SAV1: variants seen among roughly 807,000 people sequenced by gnomAD.
SAV1 encodes the protein salvador family WW domain containing protein 1.
SAV1 carries 23 observed loss-of-function variants against 47.3 expected under a neutral mutation model. The ratio of observed to expected loss-of-function variants is 0.49; its 90% CI spans 0.35 to 0.69. The LOEUF (loss-of-function observed/expected upper bound fraction) is 0.69, where lower values mean the gene tolerates loss of function less well. Ranked by LOEUF, SAV1 falls within the 30% of genes least tolerant of loss-of-function variation. The pLI is 0.01. For missense variants in SAV1, 448 were observed against 457.4 expected (o/e 0.98, Z 0.19); for synonymous variants, 155 against 159.2 (o/e 0.97, Z 0.20).
intron 2 of SAV1, among the ~76,000 whole-genome samples, chr14:50,657,868 C>T (rs570901111): frequency 6.6e-6 from 1 of 152,254 alleles, no homozygotes; most frequent in Non-Finnish European, 1.5e-5. Flanking sequence ...AGTAGATGTG[C>T]CAAAAAACTT....
Position 50,665,458 on chromosome 14 carries a change from T to C in SAV1, c.256A>G (p.Met86Val), listed in dbSNP as rs1436169733. The change falls in exon 2 of 5, where the codon ATG becomes GTG. Residue 86 changes from methionine (M) to valine (V), a missense_variant. Transcript: ENST00000324679. ...GATAATCTGTTGCTTTCTCTTCTCA[T>C]TATTTCATGAGGTGTTCTTTGAATT... ...TPIQRTPHEI[M>V]RRESNRLSAP... 1 of 1,613,924 alleles carries C rather than the reference T, an allele frequency of 6.2e-7. No individual in the cohort carries two copies. Among genetic ancestry groups the C allele is most frequent in the East Asian group, 2.2e-5 (1 of 44,872 alleles).
intron 2 of SAV1, among the ~76,000 whole-genome samples, chr14:50,655,657 C>T (rs1177241111): frequency 6.6e-6 from 1 of 151,912 alleles, no homozygotes; most frequent in African/African-American, 2.4e-5. Context: ...AACTCCTGAC[C>T]TTAGGTGATC....
chr14:50,668,026 G>T lies in SAV1; in HGVS notation c.-59C>A. The T allele has an allele frequency of 1.5e-6, 2 of 1,329,902 alleles. No homozygotes were observed. The highest frequency in any genetic ancestry group is 2.0e-6 in the Non-Finnish European group (2 of 1,007,664). The allele number at this position is 1,329,902 out of a possible 1,614,324, so 82.4% of individuals were successfully genotyped here. A position where few individuals can be genotyped will look rare whatever the true frequency, so the allele number is the denominator to read the frequency against. ...GCCTCCCTAGGGCTCCGCGCCGGGCGCCGGCCGTCTCCGCCGCCACCTCCG... is the reference window on the plus strand; with the variant it reads ...GCCTCCCTAGGGCTCCGCGCCGGGCTCCGGCCGTCTCCGCCGCCACCTCCG... On this transcript the variant is annotated 5_prime_UTR_variant, in exon 1 of 5. Coordinates refer to ENST00000324679, the MANE Select transcript of SAV1 (RefSeq NM_021818.4).
chr14:50,657,024 CTTTTT>C (rs3080610), intron 2 of SAV1, among the ~76,000 whole-genome samples: 2 of 122,246 alleles, frequency 1.6e-5, no homozygotes, highest in Non-Finnish European at 3.4e-5. Flanking sequence ...AAAACACTCA[CTTTTT>C]TTTTTTTTTT....
chr14:50,639,280 AT>A (rs1255027268), intron 4 of SAV1, among the ~76,000 whole-genome samples: 7 of 152,032 alleles, frequency 4.6e-5, no homozygotes, highest in Non-Finnish European at 7.4e-5. Flanking sequence ...GGATTAAAGA[AT>A]TTCAGATTCT....
At chr14:50,648,726 C>A (rs113161138) in intron 2 of SAV1, among the ~76,000 whole-genome samples, 26,928 of 151,592 alleles carry the variant, frequency 0.18, 2,726 homozygotes, top group African/African-American at 0.27. Flanking sequence ...TGCAGTGAGC[C>A]GAGATTGCGC....
intron 2 of SAV1, chr14:50,662,885 G>C (rs1435976238): frequency 2.6e-5 from 4 of 152,146 alleles, no homozygotes; most frequent in Non-Finnish European, 4.4e-5. Flanking sequence ...AAAACCGCTG[G>C]GTTCATTCAC....
chr14:50,648,466 A>C (rs1405860888), intron 2 of SAV1, among the ~76,000 whole-genome samples: 1 of 152,206 alleles, frequency 6.6e-6, no homozygotes, highest in Non-Finnish European at 1.5e-5. Flanking sequence ...CTGGCTGCAT[A>C]ATTTTATTCT....
Position 50,634,375 on chromosome 14 carries a change from T to A in SAV1, c.*808A>T. On this transcript the variant is annotated 3_prime_UTR_variant, in exon 5 of 5. Coordinates refer to ENST00000324679, the MANE Select transcript of SAV1 (RefSeq NM_021818.4). ...TTATTTTTTATTTTTTGAGACAAGG[T>A]CTGGCTCTCTCTCTCTCAGGCTGCA... is the stretch of plus-strand genomic sequence containing the variant. 1 of 298,114 alleles carries A rather than the reference T, an allele frequency of 3.4e-6. No homozygotes were observed. The highest frequency in any genetic ancestry group is 2.9e-5 in the South Asian group (1 of 34,026). 18.5% of individuals were successfully genotyped at this position (298,114 alleles called of 1,614,324 possible). A position where few individuals can be genotyped will look rare whatever the true frequency, so the allele number is the denominator to read the frequency against.
At chr14:50,654,754 A>AT (rs1197490782) in intron 2 of SAV1, among the ~76,000 whole-genome samples, 5 of 152,212 alleles carry the variant, frequency 3.3e-5, no homozygotes, top group Non-Finnish European at 7.3e-5. Flanking sequence ...GCCAAAAACC[A>AT]ATAATAGATA....
intron 2 of SAV1, among the ~76,000 whole-genome samples, chr14:50,657,120 G>A (rs993705690): frequency 2.7e-5 from 4 of 150,480 alleles, no homozygotes; most frequent in Non-Finnish European, 4.4e-5. Flanking sequence ...TCCACACCGC[G>A]GGTTCCCTGG....
rs1777622967 is a variant in SAV1, at chr14:50,665,556, G to A, written c.158C>T (p.Pro53Leu). 1.2e-6 allele frequency: 2 copies of A among 1,613,780 alleles called. No individual in the cohort carries two copies. The highest frequency in any genetic ancestry group is 2.7e-5 in the African/African-American group (2 of 74,866). The change falls in exon 2 of 5, where the codon CCA (proline) becomes CTA (leucine). Residue 53 changes from proline (P) to leucine (L), a missense_variant. Coordinates refer to ENST00000324679, the MANE Select transcript of SAV1 (RefSeq NM_021818.4). ...TIPRRTDICL[P>L]DSSPNAFSTS... ...TGAAAAGGCATTAGGGCTTGAATCT[G>A]GAAGACAGATATCAGTTCGTCTTGG... is the stretch of plus-strand genomic sequence containing the variant.
intron 2 of SAV1, among the ~76,000 whole-genome samples, chr14:50,647,130 T>C (rs2039728830): frequency 2.6e-5 from 4 of 152,172 alleles, no homozygotes; most frequent in Admixed American, 2.6e-4. Flanking sequence ...TTTAAAACTA[T>C]AACGCTTTTA....
chr14:50,644,561 T>C (rs1170747535), intron 3 of SAV1, among the ~76,000 whole-genome samples, 183 bp downstream of exon 3: 1 of 152,074 alleles, frequency 6.6e-6, no homozygotes. Context: ...AGAAAAGTAT[T>C]TTTTTAACTT....
chr14:50,648,703 GGGAGGC>G (rs2039742913), intron 2 of SAV1, among the ~76,000 whole-genome samples: 1 of 152,024 alleles, frequency 6.6e-6, no homozygotes, highest in African/African-American at 2.4e-5. Context: ...GCGTGAACCC[GGGAGGC>G]GGAGGTTGCA....
intron 2 of SAV1, among the ~76,000 whole-genome samples, chr14:50,651,960 G>A (rs2039773258): frequency 6.6e-6 from 1 of 152,166 alleles, no homozygotes; most frequent in Non-Finnish European, 1.5e-5. Flanking sequence ...CTTCCTCATC[G>A]GGAAATATCC....
chr14:50,647,891 T>C (rs1347259878), intron 2 of SAV1, among the ~76,000 whole-genome samples: 2 of 152,204 alleles, frequency 1.3e-5, no homozygotes, highest in Non-Finnish European at 2.9e-5. Context: ...AGCAATTTCT[T>C]ATAAAGTTAA....
At chr14:50,667,562 C>A in intron 1 of SAV1, 1 of 495,214 alleles carries the variant, frequency 2.0e-6, no homozygotes. Flanking sequence ...AGGTGATAAG[C>A]AATTTAAATG....
chr14:50,636,657 T>G (rs1018688537), intron 4 of SAV1, among the ~76,000 whole-genome samples: 1 of 152,184 alleles, frequency 6.6e-6, no homozygotes, highest in Non-Finnish European at 1.5e-5. Context: ...GTAATTAATA[T>G]TCTCATTTTA....
Sources: allele counts gnomAD v4.1 joint callset (sites outside exome capture counted in the v4.1 genomes callset), GRCh38; gene constraint gnomAD v4.1.1; transcripts MANE v1.5; gene names NCBI Gene and HGNC (gene_info 2026-07-23, HGNC 2026-07-21).